JOSD2: variants seen among roughly 807,000 people sequenced by gnomAD.
JOSD2 encodes the protein Josephin domain containing 2, also known as josephin-2.
A neutral mutation model predicts 19.3 loss-of-function variants in JOSD2; 20 were observed. That is an observed-to-expected ratio of 1.04 (90% CI 0.73 to 1.51). The LOEUF (loss-of-function observed/expected upper bound fraction) is 1.51, where lower values mean the gene tolerates loss of function less well. Among genes scored for constraint, JOSD2 ranks in the 40% most tolerant of loss-of-function variants. The pLI is 0.00. For synonymous variants in JOSD2, 118 were observed against 123.7 expected (o/e 0.95, Z 0.31); for missense variants, 215 against 250.4 (o/e 0.86, Z 0.95).
intron 1 of JOSD2, 61 bp downstream of exon 1, chr19:50,511,056 G>A (rs1233229435): frequency 8.9e-6 from 4 of 450,036 alleles, no homozygotes; most frequent in African/African-American, 2.0e-5. Flanking sequence ...AAGGAATGGA[G>A]CCCTTCGCCG....
chr19:50,511,096 T>G, intron 1 of JOSD2, 21 bp downstream of exon 1: 1 of 452,664 alleles, frequency 2.2e-6, no homozygotes, highest in East Asian at 7.2e-5. Flanking sequence ...CGCTCGCCCT[T>G]TGCCTGGCAA....
At chr19:50,507,832 C>T (rs1391803981) in intron 2 of JOSD2, 133 bp from the exon 3 acceptor site, 8 of 1,097,908 alleles carry the variant, frequency 7.3e-6, no homozygotes, top group African/African-American at 1.6e-5. Context: ...TCATCCACCC[C>T]CAAGTCCTGC....
intron 1 of JOSD2, 111 bp downstream of exon 1, chr19:50,511,006 C>A: frequency 2.3e-6 from 1 of 434,052 alleles, no homozygotes; most frequent in Non-Finnish European, 4.6e-6. Context: ...AGGAGTTCCT[C>A]TTCCTATCAC....
At position 50,506,445 on chromosome 19, in the gene JOSD2, C is replaced by T. The variant is rs369537414; in HGVS notation, c.400G>A (p.Gly134Ser). 9.4e-6 allele frequency: 15 copies of T among 1,598,538 alleles called. No homozygotes were observed. Among genetic ancestry groups the T allele is most frequent in the African/African-American group, 2.7e-5 (2 of 74,600 alleles). ...TTGGAGTCCAGGTTGTAGTAGACACCGTCCACCTGGCGCAGGGCCACCCAG... is the reference window on the plus strand; with the variant it reads ...TTGGAGTCCAGGTTGTAGTAGACACTGTCCACCTGGCGCAGGGCCACCCAG... ...RHWVALRQVD[G>S]VYYNLDSKLR... Residue 134 changes from glycine to serine, a missense_variant, in exon 4 of 5, where the codon GGT becomes AGT. Physicochemically the swap from Gly to Ser is moderately conservative, Grantham distance 56. Coordinates refer to ENST00000598418, the MANE Select transcript of JOSD2 (RefSeq NM_001270639.2).
At position 50,510,376 on chromosome 19, in the gene JOSD2, T is replaced by C; in HGVS notation, c.56A>G (p.Gln19Arg). The C allele has an allele frequency of 6.2e-7, 1 of 1,613,430 alleles. No homozygotes were observed. Among genetic ancestry groups the C allele is most frequent in the Non-Finnish European group, 8.5e-7 (1 of 1,179,926 alleles). The change falls in exon 2 of 5, where the codon CAG becomes CGG. Residue 19 changes from glutamine to arginine, a missense_variant. Coordinates refer to ENST00000598418, the MANE Select transcript of JOSD2 (RefSeq NM_001270639.2). ...PSPPTVYHER[Q>R]RLELCAVHAL... ...GTGGACAGCACACAGCTCCAGGCGC[T>C]GCCGTTCGTGGTACACGGTGGGTGG... is the stretch of plus-strand genomic sequence containing the variant.
At chr19:50,509,009 G>A (rs753967314) in intron 2 of JOSD2, among the ~76,000 whole-genome samples, 5 of 151,996 alleles carry the variant, frequency 3.3e-5, no homozygotes, top group Admixed American at 6.6e-5. Flanking sequence ...ACAGACTGGA[G>A]GCCATGGGCA....
At position 50,506,090 on chromosome 19, in the gene JOSD2, C is replaced by A; in HGVS notation, c.*83G>T. ...GGGCCTCCCCAGGGTCCATGAAGTG[C>A]TGGCCTTTCCCAGGCATGCAGTGTG... On this transcript the variant is annotated 3_prime_UTR_variant, in exon 5 of 5. Transcript: ENST00000598418. 7.3e-7 allele frequency: 1 copy of A among 1,366,252 alleles called. No individual in the cohort carries two copies. The highest frequency in any genetic ancestry group is 1.0e-6 in the Non-Finnish European group (1 of 979,246). 84.6% of individuals were successfully genotyped at this position (1,366,252 alleles called of 1,614,324 possible). A position where few individuals can be genotyped will look rare whatever the true frequency, so the allele number is the denominator to read the frequency against.
In JOSD2 at chr19:50,510,272, TG is replaced by T. The variant is rs773968994; in HGVS notation, c.146+13del. ...AGCTCTGCTGCTCCAGGGGCTGGGG[TG>T]GGTGACGGTCACCTCTTGCAGATCT... On this transcript the variant is annotated intron_variant, in intron 2 of 4. Coordinates refer to ENST00000598418, the MANE Select transcript of JOSD2 (RefSeq NM_001270639.2). The T allele has an allele frequency of 6.2e-7, 1 of 1,612,602 alleles. No individual in the cohort carries two copies. The highest frequency in any genetic ancestry group is 1.1e-5 in the South Asian group (1 of 91,064).
chr19:50,507,451 A>C, intron 3 of JOSD2, 123 bp downstream of exon 3: 1 of 1,351,912 alleles, frequency 7.4e-7, no homozygotes, highest in Non-Finnish European at 1.0e-6. Flanking sequence ...CATCAGTGCC[A>C]GGCTTCCCAC....
chr19:50,510,349 G>A lies in JOSD2; in HGVS notation c.83C>T (p.Ala28Val). 1 of 1,613,594 alleles carries A rather than the reference G, an allele frequency of 6.2e-7. No individual in the cohort carries two copies. The highest frequency in any genetic ancestry group is 8.5e-7 in the Non-Finnish European group (1 of 1,179,998). ...RQRLELCAVH[A>V]LNNVLQQQLF... ...CTGCTGCTGCAGAACGTTGTTGAGG[G>A]CGTGGACAGCACACAGCTCCAGGCG... Residue 28 changes from alanine (A) to valine (V), a missense_variant, in exon 2 of 5, where the codon GCC (alanine) becomes GTC (valine). Transcript: ENST00000598418.
chr19:50,509,103 A>ATTTTTT (rs34345488), intron 2 of JOSD2, among the ~76,000 whole-genome samples: 1 of 115,166 alleles, frequency 8.7e-6, no homozygotes, highest in African/African-American at 3.5e-5. Context: ...TAAAGGAGTG[A>ATTTTTT]TTTTTTTTTT....
At chr19:50,510,475 C>T (rs764765325) in intron 1 of JOSD2, 27 bp from the exon 2 acceptor site, 1 of 1,565,032 alleles carries the variant, frequency 6.4e-7, no homozygotes, top group South Asian at 1.1e-5. Context: ...GGAGAAGGTC[C>T]TCAGGGGCCC....
intron 3 of JOSD2, among the ~76,000 whole-genome samples, chr19:50,507,106 AC>A (rs1979412778): frequency 5.0e-5 from 1 of 19,846 alleles, no homozygotes; most frequent in Admixed American, 6.2e-4. Context: ...CCCACCACCC[AC>A]CCACCCACCC....
chr19:50,507,685 G>T lies in JOSD2; in HGVS notation c.161C>A (p.Ser54Tyr), dbSNP rs781517198. 6.2e-7 allele frequency: 1 copy of T among 1,611,636 alleles called. No homozygotes were observed. The highest frequency in any genetic ancestry group is 1.1e-5 in the South Asian group (1 of 91,056). ...GAGGCTGCGATGAGGGTTCAGCCGG[G>T]AGTCTGGGGCCAACCTGGTAGTGGG... ...DEICKRLAPDSRLNPHRSLLG... is the reference protein window; with the variant it reads ...DEICKRLAPDYRLNPHRSLLG... Residue 54 changes from serine (S) to tyrosine (Y), a missense_variant, in exon 3 of 5, where the codon TCC becomes TAC. Physicochemically the swap from Ser to Tyr is moderately radical, Grantham distance 144. Coordinates refer to ENST00000598418, the MANE Select transcript of JOSD2 (RefSeq NM_001270639.2).
rs572616465 is a variant in JOSD2, at chr19:50,506,446, G to A, written c.399C>T (p.Asp133=). 20 of 1,597,786 alleles carry A rather than the reference G, an allele frequency of 1.3e-5. No homozygotes were observed. Among genetic ancestry groups the A allele is most frequent in the Admixed American group, 8.7e-5 (5 of 57,784 alleles). ...RRHWVALRQV[D]GVYYNLDSKL... is the part of the protein sequence containing the mutation. The stretch of plus-strand genomic sequence containing the variant: ...TGGAGTCCAGGTTGTAGTAGACACC[G>A]TCCACCTGGCGCAGGGCCACCCAGT... Residue 133 remains aspartate, a synonymous_variant, in exon 4 of 5, where the codon GAC becomes GAT. Transcript: ENST00000598418.
intron 2 of JOSD2, among the ~76,000 whole-genome samples, chr19:50,508,698 CGTGTGTGTGTGTGTGTGTGTGTGTGTGT>C (rs58475114): frequency 7.1e-6 from 1 of 140,818 alleles, no homozygotes. Context: ...GGAAAACGCT[CGTGTGTGTGTGTGTGTGTGTGTGTGTGT>C]GTGTGTGTGT....
Position 50,506,157 on chromosome 19 carries a change from C to T in JOSD2, c.*16G>A. ...TGCGCAGGGACTGCGCTGTGGGCGC[C>T]GATGGTCAGCCATGGTCAGTCTGTC... On this transcript the variant is annotated 3_prime_UTR_variant, in exon 5 of 5. Coordinates refer to ENST00000598418, the MANE Select transcript of JOSD2 (RefSeq NM_001270639.2). 2 of 1,610,662 alleles carry T rather than the reference C, an allele frequency of 1.2e-6. No individual in the cohort carries two copies. Among genetic ancestry groups the T allele is most frequent in the Admixed American group, 1.7e-5 (1 of 59,770 alleles).
chr19:50,509,775 C>T (rs796585664), intron 2 of JOSD2, among the ~76,000 whole-genome samples: 106 of 151,696 alleles, frequency 7.0e-4, no homozygotes, highest in African/African-American at 2.4e-3. Flanking sequence ...ACCACTGGGC[C>T]GGGTGCAGTG....
In JOSD2 at chr19:50,506,541, G is replaced by C. The variant is rs1280135227; in HGVS notation, c.304C>G (p.Leu102Val). The change falls in exon 4 of 5, where the codon CTG becomes GTG. Residue 102 changes from leucine to valine, a missense_variant. By Grantham distance (32) the Leu-to-Val change is conservative. Coordinates refer to ENST00000598418, the MANE Select transcript of JOSD2 (RefSeq NM_001270639.2). ...GAGGGCAGGTTCAGGATCAGCCCCA[G>C]TACCTGGGGCAGGGCCAGCTGGGAC... ...PLSQLALPQV[L>V]GLILNLPSPV... 4 of 1,547,836 alleles carry C rather than the reference G, an allele frequency of 2.6e-6. No individual in the cohort carries two copies. The African/African-American group carries it at 5.5e-5, about 21-fold the overall frequency.
Sources: gnomAD v4.1 joint callset for allele counts (sites outside exome capture counted in the v4.1 genomes callset) on GRCh38, gnomAD v4.1.1 for gene constraint, MANE v1.5 for transcripts, NCBI Gene and HGNC (gene_info 2026-07-23, HGNC 2026-07-21) for gene names.